MRPL22: variants seen among roughly 807,000 people sequenced by gnomAD.
The protein encoded by MRPL22 is large ribosomal subunit protein uL22m.
Under a neutral mutation model 32.4 loss-of-function variants are expected in MRPL22, and 27 were observed. The observed-to-expected ratio is 0.83, with a 90% CI of 0.61 to 1.15. The LOEUF (loss-of-function observed/expected upper bound fraction) is 1.15, where lower values mean the gene tolerates loss of function less well. Among genes scored for constraint, MRPL22 ranks in the 50% most tolerant of loss-of-function variants. The pLI is 0.00. For synonymous variants in MRPL22, 86 were observed against 87.3 expected (o/e 0.99, Z 0.08); for missense variants, 239 against 260.2 (o/e 0.92, Z 0.56).
At chr5:154,963,350 GTATT>G (rs1275091282) in intron 6 of MRPL22, among the ~76,000 whole-genome samples, 1 of 152,170 alleles carries the variant, frequency 6.6e-6, no homozygotes, top group African/African-American at 2.4e-5. Context: ...CATTCAAAAA[GTATT>G]TGAGTACTTT....
At chr5:154,956,903 G>A in intron 4 of MRPL22, 1 of 461,160 alleles carries the variant, frequency 2.2e-6, no homozygotes, top group Non-Finnish European at 3.9e-6. Context: ...CATGTTTGCT[G>A]TCTTTTAATG....
chr5:154,957,515 G>C (rs747160986), intron 5 of MRPL22, among the ~76,000 whole-genome samples: 1 of 152,044 alleles, frequency 6.6e-6, no homozygotes, highest in African/African-American at 2.4e-5. Context: ...ACGTATATGT[G>C]TGTATTTGTG....
At chr5:154,966,560 T>C in intron 6 of MRPL22, 126 bp from the exon 7 acceptor site, 1 of 932,424 alleles carries the variant, frequency 1.1e-6, no homozygotes, top group Non-Finnish European at 1.6e-6. Context: ...GAGACAAGCC[T>C]GCTCTAGCCA....
At chr5:154,961,007 A>T (rs1764696319) in intron 6 of MRPL22, among the ~76,000 whole-genome samples, 1 of 152,178 alleles carries the variant, frequency 6.6e-6, no homozygotes, top group Admixed American at 6.5e-5. Context: ...ATACAGGGGG[A>T]ATTAGTTGTA....
chr5:154,962,450 T>C lies in MRPL22; in HGVS notation c.409+2401T>C, dbSNP rs534554023. On this transcript the variant is annotated intron_variant, in intron 6 of 6. Transcript: ENST00000523037. Reference sequence around the variant, plus strand: ...TCTTGGAAAAGGCCTAGACATTTCATTCCATAGACTTCTGTTAGAGTTTTG... The same window carrying C: ...TCTTGGAAAAGGCCTAGACATTTCACTCCATAGACTTCTGTTAGAGTTTTG... Among the ~76,000 whole-genome samples, 10 of 152,350 alleles carry C rather than the reference T, an allele frequency of 6.6e-5. No homozygotes were observed. In the South Asian group the frequency reaches 2.1e-3, roughly 32 times the overall value.
chr5:154,950,245 G>A (rs1426260545), intron 2 of MRPL22, among the ~76,000 whole-genome samples: 1 of 152,072 alleles, frequency 6.6e-6, no homozygotes, highest in Non-Finnish European at 1.5e-5. Flanking sequence ...ACTGCCCAGC[G>A]ATCTAATCAC....
intron 2 of MRPL22, among the ~76,000 whole-genome samples, chr5:154,943,499 T>C (rs1262524125): frequency 2.6e-5 from 4 of 151,982 alleles, no homozygotes; most frequent in Non-Finnish European, 5.9e-5. Context: ...TAGAGTGTAT[T>C]CCTCATCTAA....
At chr5:154,946,361 T>A (rs1582687699) in intron 2 of MRPL22, among the ~76,000 whole-genome samples, 1 of 152,106 alleles carries the variant, frequency 6.6e-6, no homozygotes, top group Non-Finnish European at 1.5e-5. Flanking sequence ...ACTCGCTAAT[T>A]ACAACTACAT....
chr5:154,944,252 C>G (rs1348381175), intron 2 of MRPL22, among the ~76,000 whole-genome samples: 4 of 152,108 alleles, frequency 2.6e-5, no homozygotes, highest in Non-Finnish European at 5.9e-5. Context: ...GCCACCACGC[C>G]CAGCCAAAAA....
At chr5:154,942,084 C>T (rs1312913040) in intron 2 of MRPL22, among the ~76,000 whole-genome samples, 3 of 152,042 alleles carry the variant, frequency 2.0e-5, no homozygotes, top group Admixed American at 6.6e-5. Flanking sequence ...TAGTACCTAT[C>T]TCTTAGGATT....
At chr5:154,961,359 G>A (rs867867400) in intron 6 of MRPL22, among the ~76,000 whole-genome samples, 83 of 152,162 alleles carry the variant, frequency 5.5e-4, no homozygotes, top group African/African-American at 2.0e-3. Flanking sequence ...GAAGGGATGA[G>A]GAGCAAGACC....
At chr5:154,942,270 A>G (rs1428292795) in intron 2 of MRPL22, among the ~76,000 whole-genome samples, 1 of 152,230 alleles carries the variant, frequency 6.6e-6, no homozygotes, top group Non-Finnish European at 1.5e-5. Flanking sequence ...AAGGAAATTC[A>G]AACAAGATAA....
In MRPL22 at chr5:154,960,079, A is replaced by T. The variant is rs929291927; in HGVS notation, c.409+30A>T. Reference sequence around the variant, plus strand: ...GATTTTTAATATTCTTAGCATTAGAAAATGTCTTCAGTAGTAATGCCATGT... The same window carrying T: ...GATTTTTAATATTCTTAGCATTAGATAATGTCTTCAGTAGTAATGCCATGT... On this transcript the variant is annotated intron_variant, in intron 6 of 6. Transcript: ENST00000523037. 25 of 1,475,608 alleles carry T rather than the reference A, an allele frequency of 1.7e-5. No homozygotes were observed. The African/African-American group carries it at 2.9e-4, about 17-fold the overall frequency. 91.4% of individuals were successfully genotyped at this position (1,475,608 alleles called of 1,614,324 possible).
intron 6 of MRPL22, among the ~76,000 whole-genome samples, chr5:154,965,770 G>C (rs1226845685): frequency 6.6e-6 from 1 of 152,078 alleles, no homozygotes; most frequent in Admixed American, 6.5e-5. Flanking sequence ...GTCAAATTTT[G>C]ATATACAGAA....
intron 5 of MRPL22, among the ~76,000 whole-genome samples, chr5:154,957,843 A>G (rs1764649648): frequency 6.6e-6 from 1 of 152,110 alleles, no homozygotes; most frequent in Non-Finnish European, 1.5e-5. Flanking sequence ...ACTAGATACA[A>G]ATGTGCTGAT....
chr5:154,957,765 A>C (rs749209623), intron 5 of MRPL22, among the ~76,000 whole-genome samples: 32 of 151,898 alleles, frequency 2.1e-4, no homozygotes, highest in Non-Finnish European at 4.1e-4. Flanking sequence ...TATTTTTCTC[A>C]CCTAAACTAT....
intron 6 of MRPL22, among the ~76,000 whole-genome samples, chr5:154,966,211 T>C (rs1477911568): frequency 1.3e-5 from 2 of 152,212 alleles, no homozygotes; most frequent in African/African-American, 2.4e-5. Context: ...ATTCCCACCA[T>C]TGGGCCTTTG....
chr5:154,960,095 AATGCC>A lies in MRPL22; in HGVS notation c.409+50_409+54del, dbSNP rs750850941. 6 of 1,355,312 alleles carry A rather than the reference AATGCC, an allele frequency of 4.4e-6. No individual in the cohort carries two copies. The East Asian group carries it at 1.4e-4, about 31-fold the overall frequency. 84.0% of individuals were successfully genotyped at this position (1,355,312 alleles called of 1,614,324 possible). On this transcript the variant is annotated intron_variant, in intron 6 of 6. Transcript: ENST00000523037. ...AGCATTAGAAAATGTCTTCAGTAGT[AATGCC>A]ATGTTTTTTATCTAACAACAGTCTT...
At position 154,944,205 on chromosome 5, in the gene MRPL22, G is replaced by A. The variant is rs183874948; in HGVS notation, c.77+2940G>A. Reference sequence around the variant, plus strand: ...ACTCCTAGGCTCAAACGATCCGCCCGCTTTGGCCTCCCAAAGTGCTGGGAT... The same window carrying A: ...ACTCCTAGGCTCAAACGATCCGCCCACTTTGGCCTCCCAAAGTGCTGGGAT... On this transcript the variant is annotated intron_variant, in intron 2 of 6. Transcript: ENST00000523037. Among the ~76,000 whole-genome samples the A allele has an allele frequency of 2.3e-3, 343 of 152,010 alleles. 1 individual carries two copies. Among genetic ancestry groups the A allele is most frequent in the Non-Finnish European group, 3.8e-3 (255 of 67,952 alleles).
Sources: allele counts gnomAD v4.1 joint callset (sites outside exome capture counted in the v4.1 genomes callset), GRCh38; gene constraint gnomAD v4.1.1; transcripts MANE v1.5; gene names NCBI Gene and HGNC (gene_info 2026-07-23, HGNC 2026-07-21).